Variants in SLC1A2 observed in about 807,000 individuals in gnomAD.
The protein encoded by SLC1A2 is excitatory amino acid transporter 2.
A neutral mutation model predicts 48.8 loss-of-function variants in SLC1A2; 15 were observed. The observed-to-expected ratio is 0.31, with a 90% CI of 0.21 to 0.47. SLC1A2 has a LOEUF of 0.47. Ranked by LOEUF, SLC1A2 falls within the 20% of genes least tolerant of loss-of-function variation. SLC1A2 has a pLI of 0.99. For synonymous variants in SLC1A2, 279 were observed against 272.6 expected, an observed-to-expected ratio of 1.02 and a Z score of -0.23; for missense variants, 502 against 730.5, an observed-to-expected ratio of 0.69 and a Z score of 3.61.
chr11:35,388,848 C>A (rs1342581621), intron 1 of SLC1A2, among the ~76,000 whole-genome samples: 1 of 152,194 alleles, frequency 6.6e-6, no homozygotes, highest in African/African-American at 2.4e-5. Flanking sequence ...AATTCAGAAG[C>A]ACAAAACCAA....
intron 1 of SLC1A2, chr11:35,323,435 T>G (rs1007481342): frequency 6.6e-6 from 1 of 152,358 alleles, no homozygotes; most frequent in African/African-American, 2.4e-5. Flanking sequence ...AAGATATCAA[T>G]AAGGTTTAAG....
intron 1 of SLC1A2, among the ~76,000 whole-genome samples, chr11:35,411,774 C>T (rs905248762): frequency 6.6e-6 from 1 of 152,174 alleles, no homozygotes; most frequent in Non-Finnish European, 1.5e-5. Context: ...TTGAAATTAT[C>T]TTGTTTGACA....
Position 35,292,538 on chromosome 11 carries a change from G to A in SLC1A2, c.858-18C>T. 1 of 1,520,808 alleles carries A rather than the reference G, an allele frequency of 6.6e-7. No individual in the cohort carries two copies. 94.2% of individuals were successfully genotyped at this position (1,520,808 alleles called of 1,614,324 possible). On this transcript the variant is annotated intron_variant, in intron 6 of 10. Coordinates refer to ENST00000278379, the MANE Select transcript of SLC1A2 (RefSeq NM_004171.4). ...GAGAGTACCTGAAAAACACAAAAGG[G>A]AAAAACAGCATTGAAGAGATCATTA...
chr11:35,347,353 G>A (rs1278744858), intron 1 of SLC1A2, among the ~76,000 whole-genome samples: 1 of 152,180 alleles, frequency 6.6e-6, no homozygotes, highest in Non-Finnish European at 1.5e-5. Flanking sequence ...TATACTTGCT[G>A]TTTTGAACCC....
chr11:35,260,741 A>G lies in SLC1A2; in HGVS notation c.*153T>C, dbSNP rs935946645. Reference sequence around the variant, plus strand: ...CACAGCACCGTGCCTGTCATCACTGACTCACAAGAGCTCCTCTAAGCCTCG... The same window carrying G: ...CACAGCACCGTGCCTGTCATCACTGGCTCACAAGAGCTCCTCTAAGCCTCG... On this transcript the variant is annotated 3_prime_UTR_variant, in exon 11 of 11. Transcript: ENST00000278379. The G allele has an allele frequency of 1.6e-6, 1 of 632,642 alleles. No individual in the cohort carries two copies. Among genetic ancestry groups the G allele is most frequent in the African/African-American group, 1.8e-5 (1 of 54,466 alleles). The allele number at this position is 632,642 out of a possible 1,614,324, so 39.2% of individuals were successfully genotyped here.
rs967325571 is a variant in SLC1A2 at position 35,252,784 on chromosome 11, AC to A, written c.*8109del. The A allele has an allele frequency of 7.2e-5, 11 of 152,636 alleles. No homozygotes were observed. The highest frequency in any genetic ancestry group is 2.4e-4 in the African/African-American group (10 of 41,446). The allele number at this position is 152,636 out of a possible 1,614,324, so 9.5% of individuals were successfully genotyped here. A position where few individuals can be genotyped will look rare whatever the true frequency, so the allele number is the denominator to read the frequency against. On this transcript the variant is annotated 3_prime_UTR_variant, in exon 11 of 11. Transcript: ENST00000278379. ...CATTTAAATTACAATACATCTATACACCATTTCACTGAAATTACACCTAGAT... is the reference window on the plus strand; with the variant it reads ...CATTTAAATTACAATACATCTATACACATTTCACTGAAATTACACCTAGAT...
intron 1 of SLC1A2, chr11:35,399,517 G>T: frequency 1.7e-6 from 1 of 577,004 alleles, no homozygotes; most frequent in Non-Finnish European, 2.2e-6. Flanking sequence ...AGAGCTAGGA[G>T]AAGGAGGAGG....
In SLC1A2 at chr11:35,306,123, C is replaced by T; in HGVS notation, c.681G>A (p.Lys227=). 2 of 1,614,068 alleles carry T rather than the reference C, an allele frequency of 1.2e-6. No homozygotes were observed. Among genetic ancestry groups the T allele is most frequent in the Non-Finnish European group, 1.7e-6 (2 of 1,179,936 alleles). The change falls in exon 5 of 11, where the codon AAG becomes AAA. Residue 227 remains lysine (K), a synonymous_variant. Coordinates refer to ENST00000278379, the MANE Select transcript of SLC1A2 (RefSeq NM_004171.4). ...ETVTEVPEET[K]MVIKKGLEFK... ...ACTCCAGGCCCTTCTTGATAACCATCTTAGTCTCCTCCGGCACCTCAGTCA... is the reference window on the plus strand; with the variant it reads ...ACTCCAGGCCCTTCTTGATAACCATTTTAGTCTCCTCCGGCACCTCAGTCA...
intron 1 of SLC1A2, among the ~76,000 whole-genome samples, chr11:35,332,033 T>C (rs763585301): frequency 1.3e-5 from 2 of 152,088 alleles, no homozygotes; most frequent in Non-Finnish European, 1.5e-5. Context: ...GGCAGGACCT[T>C]ATCAGCTTAA....
chr11:35,324,367 G>C (rs1430239327), intron 1 of SLC1A2, among the ~76,000 whole-genome samples: 1 of 152,188 alleles, frequency 6.6e-6, no homozygotes, highest in African/African-American at 2.4e-5. Flanking sequence ...ATTGATTCTT[G>C]GTTAAAATGT....
chr11:35,275,290 G>A (rs1023224886), intron 9 of SLC1A2, among the ~76,000 whole-genome samples: 5 of 152,240 alleles, frequency 3.3e-5, no homozygotes, highest in Admixed American at 6.5e-5. Flanking sequence ...AGAGTCTTAT[G>A]TGAGAATTAG....
chr11:35,362,530 CA>C (rs1192238428), intron 1 of SLC1A2, among the ~76,000 whole-genome samples: 1 of 152,126 alleles, frequency 6.6e-6, no homozygotes, highest in East Asian at 1.9e-4. Flanking sequence ...ATACTTCATT[CA>C]TACAACAGAT....
chr11:35,335,359 T>C (rs1476252400), intron 1 of SLC1A2, among the ~76,000 whole-genome samples: 1 of 152,178 alleles, frequency 6.6e-6, no homozygotes. Context: ...TCAGGCCAAG[T>C]TCTTTCAAAC....
chr11:35,335,010 C>G (rs915616199), intron 1 of SLC1A2, among the ~76,000 whole-genome samples: 4 of 152,174 alleles, frequency 2.6e-5, no homozygotes, highest in African/African-American at 9.7e-5. Context: ...ACACCTTGGT[C>G]TGTCTTCATC....
At chr11:35,401,348 A>G (rs574047807) in intron 1 of SLC1A2, among the ~76,000 whole-genome samples, 12 of 152,316 alleles carry the variant, frequency 7.9e-5, no homozygotes, top group African/African-American at 2.9e-4. Context: ...TGTTGAAAAT[A>G]TATTTGAGGG....
At chr11:35,348,025 T>C (rs1387669026) in intron 1 of SLC1A2, among the ~76,000 whole-genome samples, 1 of 152,254 alleles carries the variant, frequency 6.6e-6, no homozygotes, top group Non-Finnish European at 1.5e-5. Context: ...CCAAGCTCCA[T>C]GTGACAAGTC....
At chr11:35,339,492 T>C (rs545939097) in intron 1 of SLC1A2, among the ~76,000 whole-genome samples, 95 of 152,332 alleles carry the variant, frequency 6.2e-4, no homozygotes, top group South Asian at 5.8e-3. Flanking sequence ...TGTGGCTCAA[T>C]GTTACACCTT....
chr11:35,274,989 T>C (rs146888885), intron 9 of SLC1A2, among the ~76,000 whole-genome samples: 5 of 152,362 alleles, frequency 3.3e-5, no homozygotes, highest in African/African-American at 7.2e-5. Context: ...TCTCCGTCTC[T>C]AGTTCATTGC....
chr11:35,319,120 C>G (rs972061572), intron 1 of SLC1A2, among the ~76,000 whole-genome samples: 6 of 152,182 alleles, frequency 3.9e-5, no homozygotes, highest in Non-Finnish European at 8.8e-5. Flanking sequence ...AACAATCCCT[C>G]AGACCATCTG....
Sources: gnomAD v4.1 joint callset for allele counts (sites outside exome capture counted in the v4.1 genomes callset) on GRCh38, gnomAD v4.1.1 for gene constraint, MANE v1.5 for transcripts, NCBI Gene and HGNC (gene_info 2026-07-23, HGNC 2026-07-21) for gene names.